The following WDR36 variants were observed in gnomAD, a reference collection of about 807,000 sequenced individuals.
The protein encoded by WDR36 is WD repeat-containing protein 36.
WDR36 carries 63 observed loss-of-function variants against 112.7 expected under a neutral mutation model. The observed-to-expected ratio is 0.56, with a 90% CI of 0.46 to 0.69. The LOEUF (loss-of-function observed/expected upper bound fraction) is 0.69. Ranked by LOEUF, WDR36 falls within the 30% of genes least tolerant of loss-of-function variation. WDR36 has a pLI of 0.00. For missense variants in WDR36, 1,226 were observed against 1,070.3 expected (o/e 1.15, Z -2.03); for synonymous variants, 410 against 362.2 (o/e 1.13, Z -1.50).
chr5:111,096,284 A>G (rs1172120123), intron 2 of WDR36, among the ~76,000 whole-genome samples: 1 of 152,248 alleles, frequency 6.6e-6, no homozygotes, highest in Non-Finnish European at 1.5e-5. Context: ...TAAATGTTTT[A>G]GGAATAGGCA....
chr5:111,111,112 G>A (rs1451547862), intron 14 of WDR36, 58 bp from the exon 15 acceptor site: 4 of 1,574,192 alleles, frequency 2.5e-6, no homozygotes, highest in South Asian at 1.1e-5. Context: ...TCAAGTGGAG[G>A]TGAGATTTTA....
chr5:111,092,754 T>A (rs1244337412), intron 1 of WDR36, 136 bp downstream of exon 1: 2 of 1,166,766 alleles, frequency 1.7e-6, no homozygotes, highest in Non-Finnish European at 2.5e-6. Flanking sequence ...CTATTAATAT[T>A]TCGCCATCCG....
In WDR36 at chr5:111,097,153, T is replaced by G. The variant is rs775695472; in HGVS notation, c.265T>G (p.Phe89Val). 6.2e-7 allele frequency: 1 copy of G among 1,613,596 alleles called. No homozygotes were observed. Among genetic ancestry groups the G allele is most frequent in the Non-Finnish European group, 8.5e-7 (1 of 1,179,708 alleles). ...RLVFAAYGNV[F>V]SAFARNKEIV... is the part of the protein sequence containing the mutation. ...AGTCTTTGCTGCTTATGGAAATGTT[T>G]TCTCTGCATTTGCCCGTAATAAAGA... The change falls in exon 3 of 23, where the codon TTC becomes GTC. Residue 89 changes from phenylalanine (F) to valine (V), a missense_variant. Coordinates refer to ENST00000513710, the MANE Select transcript of WDR36 (RefSeq NM_139281.3).
At position 111,125,608 on chromosome 5, in the gene WDR36, A is replaced by T; in HGVS notation, c.2351A>T (p.Tyr784Phe). ...ATAACTGGATTAAAATTTAATGCAG[A>T]TGACACTGCTCTCAACCTTCTGAAA... is the stretch of plus-strand genomic sequence containing the variant. ...KLEEGLVNNK[Y>F]DTALNLLKES... The change falls in exon 22 of 23, where the codon TAT (tyrosine) becomes TTT (phenylalanine). Residue 784 changes from tyrosine (Y) to phenylalanine (F), a missense_variant and splice_region_variant. Physicochemically the swap from Tyr to Phe is conservative, Grantham distance 22. Coordinates refer to ENST00000513710, the MANE Select transcript of WDR36 (RefSeq NM_139281.3). 1 of 1,613,022 alleles carries T rather than the reference A, an allele frequency of 6.2e-7. No individual in the cohort carries two copies. Among genetic ancestry groups the T allele is most frequent in the Non-Finnish European group, 8.5e-7 (1 of 1,179,452 alleles).
intron 2 of WDR36, among the ~76,000 whole-genome samples, chr5:111,095,710 C>A (rs932934628): frequency 3.3e-5 from 5 of 152,130 alleles, no homozygotes; most frequent in Admixed American, 2.6e-4. Context: ...CAAAAAAATC[C>A]GGAATCTGAA....
intron 16 of WDR36, among the ~76,000 whole-genome samples, chr5:111,114,055 C>T (rs75353524): frequency 0.027 from 4,039 of 152,218 alleles, 204 homozygotes; most frequent in African/African-American, 0.092. Context: ...TTGGTTAAAA[C>T]GTAACAAATG....
chr5:111,119,022 C>T lies in WDR36; in HGVS notation c.1806C>T (p.Asp602=), dbSNP rs778421893. The T allele has an allele frequency of 6.2e-7, 1 of 1,612,982 alleles. No individual in the cohort carries two copies. The highest frequency in any genetic ancestry group is 8.5e-7 in the Non-Finnish European group (1 of 1,179,074). ...TTAATTATTTCTGTAGCCTTATAGA[C>T]TGCTTTTTGTTGGACTCGGCTCCTC... ...TWDLPSGCLI[D]CFLLDSAPLN... is the part of the protein sequence containing the mutation. Residue 602 remains aspartate, a synonymous_variant, in exon 17 of 23, where the codon GAC becomes GAT. Coordinates refer to ENST00000513710, the MANE Select transcript of WDR36 (RefSeq NM_139281.3).
chr5:111,098,575 T>C (rs1753043053), intron 3 of WDR36, 147 bp from the exon 4 acceptor site: 1 of 643,832 alleles, frequency 1.6e-6, no homozygotes, highest in Non-Finnish European at 2.8e-6. Context: ...AATATTTATG[T>C]GTTCATCCTA....
intron 5 of WDR36, 87 bp from the exon 6 acceptor site, chr5:111,102,255 CTAT>C (rs1264138644): frequency 1.6e-5 from 15 of 928,780 alleles, no homozygotes; most frequent in East Asian, 1.0e-4. Context: ...TAAATATCAC[CTAT>C]TATTATTTCA....
intron 7 of WDR36, 65 bp from the exon 8 acceptor site, chr5:111,104,112 A>C (rs1037097096): frequency 2.0e-6 from 3 of 1,467,220 alleles, no homozygotes; most frequent in East Asian, 4.9e-5. Flanking sequence ...GGAAGAGAGA[A>C]GAATTCTTGT....
At chr5:111,119,438 G>A (rs913979376) in intron 17 of WDR36, among the ~76,000 whole-genome samples, 9 of 152,140 alleles carry the variant, frequency 5.9e-5, no homozygotes, top group African/African-American at 1.9e-4. Flanking sequence ...TTTCCTGCCA[G>A]TATCCCACAA....
chr5:111,093,463 T>C (rs559836211), intron 1 of WDR36, among the ~76,000 whole-genome samples: 2 of 152,194 alleles, frequency 1.3e-5, no homozygotes, highest in African/African-American at 2.4e-5. Context: ...AGCTGGGAGG[T>C]AGGAACTAGT....
chr5:111,100,052 GT>G (rs1349314211), intron 4 of WDR36, among the ~76,000 whole-genome samples: 1 of 149,114 alleles, frequency 6.7e-6, no homozygotes, highest in East Asian at 1.9e-4. Flanking sequence ...ACTCCACAGG[GT>G]TATACGTTTT....
At chr5:111,124,252 A>G in intron 21 of WDR36, 63 bp downstream of exon 21, 1 of 1,296,274 alleles carries the variant, frequency 7.7e-7, no homozygotes, top group Non-Finnish European at 1.1e-6. Flanking sequence ...ATATGAGGAG[A>G]AATTGAAGGA....
At chr5:111,120,865 A>T in intron 18 of WDR36, 131 bp from the exon 19 acceptor site, 1 of 858,264 alleles carries the variant, frequency 1.2e-6, no homozygotes, top group Non-Finnish European at 1.8e-6. Flanking sequence ...AGGGATAAGT[A>T]AATGAAATAA....
intron 21 of WDR36, among the ~76,000 whole-genome samples, chr5:111,124,981 A>G (rs1190201687): frequency 2.6e-5 from 4 of 152,186 alleles, no homozygotes; most frequent in African/African-American, 7.2e-5. Context: ...AAGCATAGTC[A>G]TTGCAGTTCT....
At chr5:111,102,446 A>G (rs1215090583) in intron 6 of WDR36, 47 bp downstream of exon 6, 1 of 1,550,258 alleles carries the variant, frequency 6.5e-7, no homozygotes, top group African/African-American at 1.4e-5. Context: ...TTAATAGGAA[A>G]ATCCTTCAGT....
rs1485158506 is a variant in WDR36, at chr5:111,104,694, C to T, written c.907-3C>T. On this transcript the variant is annotated splice_polypyrimidine_tract_variant and splice_region_variant and intron_variant, in intron 8 of 22. Transcript: ENST00000513710. ...AAGAACTGACGTTTTTATTTCTTGG[C>T]AGATATGGATATTTGATGGTCCTAC... 2 of 1,610,890 alleles carry T rather than the reference C, an allele frequency of 1.2e-6. No individual in the cohort carries two copies. Among genetic ancestry groups the T allele is most frequent in the Non-Finnish European group, 8.5e-7 (1 of 1,177,666 alleles).
At position 111,113,152 on chromosome 5, in the gene WDR36, T is replaced by G. The variant is rs147964188; in HGVS notation, c.1795T>G (p.Cys599Gly). Reference protein sequence around the residue: ...SIRTWDLPSGCLIDCFLLDSA... With the variant: ...SIRTWDLPSGGLIDCFLLDSA... The stretch of plus-strand genomic sequence containing the variant: ...TAGGACTTGGGACCTTCCTTCTGGG[T>G]GGTAAGTTTATATTTCTAATTCCCT... Residue 599 changes from cysteine to glycine, a missense_variant and splice_region_variant, in exon 16 of 23, where the codon TGC becomes GGC. Physicochemically the swap from Cys to Gly is radical, Grantham distance 159. Transcript: ENST00000513710. The G allele has an allele frequency of 2.6e-4, 416 of 1,579,512 alleles. 3 individuals are homozygous for G. Among genetic ancestry groups the G allele is most frequent in the South Asian group, 2.1e-3 (194 of 90,420 alleles).
Sources: allele counts gnomAD v4.1 joint callset (sites outside exome capture counted in the v4.1 genomes callset), GRCh38; gene constraint gnomAD v4.1.1; transcripts MANE v1.5; gene names NCBI Gene and HGNC (gene_info 2026-07-23, HGNC 2026-07-21).